The following CDK1 variants were observed in gnomAD, a reference collection of about 807,000 sequenced individuals.
CDK1 encodes the protein cyclin dependent kinase 1.
A neutral mutation model predicts 34.6 loss-of-function variants in CDK1; 5 were observed. The observed-to-expected ratio is 0.14, with a 90% CI of 0.08 to 0.30. CDK1 has a LOEUF of 0.30. Ranked by LOEUF, CDK1 falls within the 10% of genes least tolerant of loss-of-function variation. The probability of loss-of-function intolerance (pLI) is 1.00; values close to 1 mark genes in which losing one functional copy is unlikely to be tolerated. For missense variants in CDK1, 157 were observed against 345.7 expected, an observed-to-expected ratio of 0.45 and a Z score of 4.33; for synonymous variants, 108 against 114.7, an observed-to-expected ratio of 0.94 and a Z score of 0.37.
At chr10:60,791,721 G>C (rs1455205989) in intron 5 of CDK1, among the ~76,000 whole-genome samples, 169 bp from the exon 6 acceptor site, 1 of 152,064 alleles carries the variant, frequency 6.6e-6, no homozygotes, top group African/African-American at 2.4e-5. Context: ...ATAGAACTTA[G>C]AAATGAAATA....
chr10:60,787,060 A>G, intron 4 of CDK1: 2 of 984,676 alleles, frequency 2.0e-6, no homozygotes, highest in East Asian at 1.1e-4. Context: ...ATTCTGCTTT[A>G]TCTTTTTCCA....
chr10:60,792,353 G>A (rs2080366615), intron 7 of CDK1, 64 bp downstream of exon 7: 1 of 1,428,180 alleles, frequency 7.0e-7, no homozygotes, highest in Non-Finnish European at 9.5e-7. Context: ...TCAGTTCTTT[G>A]TTTTGCCTAG....
intron 5 of CDK1, among the ~76,000 whole-genome samples, chr10:60,791,136 TATTA>T (rs1224154561): frequency 2.0e-5 from 3 of 152,148 alleles, no homozygotes; most frequent in Non-Finnish European, 4.4e-5. Flanking sequence ...GTCATTTTTA[TATTA>T]ATTCTTCCAG....
At chr10:60,782,666 C>T (rs1353464476) in intron 2 of CDK1, among the ~76,000 whole-genome samples, 1 of 152,000 alleles carries the variant, frequency 6.6e-6, no homozygotes, top group African/African-American at 2.4e-5. Flanking sequence ...ATAAATCTTC[C>T]ATTAGACTTA....
intron 4 of CDK1, chr10:60,787,821 TA>T (rs1158183591): frequency 4.1e-6 from 1 of 241,542 alleles, no homozygotes; most frequent in Non-Finnish European, 7.9e-6. Flanking sequence ...GTTTAAAGAC[TA>T]AATGTGTTCA....
intron 5 of CDK1, among the ~76,000 whole-genome samples, chr10:60,788,960 G>A (rs3213058): frequency 0.28 from 42,462 of 151,698 alleles, 6,201 homozygotes; most frequent in Middle Eastern, 0.33. Flanking sequence ...TGTTTTCTTT[G>A]TCTTAAACAA....
chr10:60,780,643 T>C (rs552145031), intron 2 of CDK1, among the ~76,000 whole-genome samples: 1 of 152,338 alleles, frequency 6.6e-6, no homozygotes, highest in South Asian at 2.1e-4. Flanking sequence ...CTTAATCTAA[T>C]TTAAATAAAA....
Position 60,794,351 on chromosome 10 carries a change from TTTTTATGCTC to T in CDK1, c.*378_*387del, listed in dbSNP as rs1288327986. The T allele has an allele frequency of 6.4e-6, 1 of 155,984 alleles. No individual in the cohort carries two copies. Among genetic ancestry groups the T allele is most frequent in the Admixed American group, 6.5e-5 (1 of 15,340 alleles). 9.7% of individuals were successfully genotyped at this position (155,984 alleles called of 1,614,324 possible). On this transcript the variant is annotated 3_prime_UTR_variant, in exon 8 of 8. Transcript: ENST00000395284. ...TCAAGTTTCGTAATGCTTTGAAGTA[TTTTTATGCTC>T]TGAATGTTTAAATGTTCTCATCAGT...
At chr10:60,780,799 A>G (rs2080266533) in intron 2 of CDK1, among the ~76,000 whole-genome samples, 1 of 152,144 alleles carries the variant, frequency 6.6e-6, no homozygotes, top group African/African-American at 2.4e-5. Context: ...AATGAGGGGT[A>G]TATCCCTTCG....
At chr10:60,784,578 C>A in intron 2 of CDK1, 127 bp from the exon 3 acceptor site, 1 of 709,618 alleles carries the variant, frequency 1.4e-6, no homozygotes, top group South Asian at 2.0e-5. Flanking sequence ...TGTAGTGAGC[C>A]TTGATTGACC....
At chr10:60,783,829 T>C (rs2080292628) in intron 2 of CDK1, among the ~76,000 whole-genome samples, 1 of 152,132 alleles carries the variant, frequency 6.6e-6, no homozygotes, top group Non-Finnish European at 1.5e-5. Flanking sequence ...AACTTGCAAA[T>C]GGGTGTGAGG....
In CDK1 at chr10:60,794,162, ATGTG is replaced by A; in HGVS notation, c.*191_*194del. On this transcript the variant is annotated 3_prime_UTR_variant, in exon 8 of 8. Coordinates refer to ENST00000395284, the MANE Select transcript of CDK1 (RefSeq NM_001786.5). ...TATGAATTTAAATATAATTCTGTAA[ATGTG>A]TGTAGGTCTCACTGTAACAACTATT... The A allele has an allele frequency of 7.3e-6, 3 of 413,158 alleles. No homozygotes were observed. The highest frequency in any genetic ancestry group is 1.3e-5 in the Non-Finnish European group (3 of 235,882). 25.6% of individuals were successfully genotyped at this position (413,158 alleles called of 1,614,324 possible).
chr10:60,793,765 C>T, intron 7 of CDK1, 112 bp from the exon 8 acceptor site: 1 of 596,934 alleles, frequency 1.7e-6, no homozygotes, highest in South Asian at 2.1e-5. Flanking sequence ...AATAGATATT[C>T]ACTGAAAGTA....
intron 7 of CDK1, among the ~76,000 whole-genome samples, chr10:60,793,660 ATATC>A (rs1478909273): frequency 6.6e-6 from 1 of 152,074 alleles, no homozygotes; most frequent in African/African-American, 2.4e-5. Context: ...GTTATTGAGA[ATATC>A]TATGATTTAC....
chr10:60,784,619 G>A, intron 2 of CDK1, 86 bp from the exon 3 acceptor site: 1 of 1,152,486 alleles, frequency 8.7e-7, no homozygotes, highest in Admixed American at 2.3e-5. Context: ...AAGAAAACAA[G>A]ACCCTGCCAT....
intron 4 of CDK1, 78 bp from the exon 5 acceptor site, chr10:60,787,982 A>AT: frequency 1.3e-6 from 1 of 752,164 alleles, no homozygotes; most frequent in Non-Finnish European, 2.0e-6. Flanking sequence ...CTGCGTCCTA[A>AT]TTTTTTGTCT....
chr10:60,788,109 G>T lies in CDK1; in HGVS notation c.368G>T (p.Arg123Ile). 6.2e-7 allele frequency: 1 copy of T among 1,604,122 alleles called. No individual in the cohort carries two copies. Among genetic ancestry groups the T allele is most frequent in the South Asian group, 1.1e-5 (1 of 89,762 alleles). ...GGGATTGTGTTTTGTCACTCTAGAA[G>T]AGTTCTTCACAGAGACTTAAAACCT... ...LQGIVFCHSR[R>I]VLHRDLKPQN... Residue 123 changes from arginine to isoleucine, a missense_variant, in exon 5 of 8, where the codon AGA (arginine) becomes ATA (isoleucine). Around this residue, in one of 3 missense-constraint regions of CDK1, gnomAD observed 102 missense variants for 233.6 expected, o/e 0.44. Transcript: ENST00000395284.
At chr10:60,782,866 C>T (rs1246444385) in intron 2 of CDK1, among the ~76,000 whole-genome samples, 1 of 152,092 alleles carries the variant, frequency 6.6e-6, no homozygotes, top group Non-Finnish European at 1.5e-5. Flanking sequence ...ACCCCTCTTC[C>T]AGTAGTTCAG....
At chr10:60,791,424 T>C (rs1365090071) in intron 5 of CDK1, among the ~76,000 whole-genome samples, 5 of 152,248 alleles carry the variant, frequency 3.3e-5, no homozygotes, top group Admixed American at 2.0e-4. Context: ...AGTTTTTCTA[T>C]ATATAAGATC....
Sources: allele counts gnomAD v4.1 joint callset (sites outside exome capture counted in the v4.1 genomes callset), GRCh38; gene constraint gnomAD v4.1.1; regional missense constraint gnomAD v4.1.1; transcripts MANE v1.5; gene names NCBI Gene and HGNC (gene_info 2026-07-23, HGNC 2026-07-21).